Variants in DCDC1 observed in about 807,000 individuals in gnomAD.
The protein encoded by DCDC1 is doublecortin domain containing 1.
In DCDC1, 200 loss-of-function variants were observed where a neutral mutation model predicts 178.3. That is an observed-to-expected ratio of 1.12 (90% CI 1.00 to 1.26). The LOEUF is 1.26. DCDC1 is among the 50% of genes most tolerant of loss of function. The probability of loss-of-function intolerance (pLI) is 0.00; values close to 1 mark genes in which losing one functional copy is unlikely to be tolerated. For missense variants in DCDC1, 1,983 were observed against 1,749.2 expected, an observed-to-expected ratio of 1.13 and a Z score of -2.38; for synonymous variants, 690 against 604.8, an observed-to-expected ratio of 1.14 and a Z score of -2.07.
intron 17 of DCDC1, among the ~76,000 whole-genome samples, chr11:31,082,960 T>A (rs1957274619): frequency 6.6e-6 from 1 of 152,220 alleles, no homozygotes; most frequent in Non-Finnish European, 1.5e-5. Context: ...TAGTGTGAAA[T>A]TACACATGGA....
intron 36 of DCDC1, among the ~76,000 whole-genome samples, chr11:30,888,745 A>G (rs1943532446): frequency 6.6e-6 from 1 of 152,280 alleles, no homozygotes; most frequent in South Asian, 2.1e-4. Flanking sequence ...AAACAAAACA[A>G]AACAAAAGAG....
In DCDC1 at chr11:30,878,569, T is replaced by C. The variant is rs371543448; in HGVS notation, c.*15A>G. On this transcript the variant is annotated 3_prime_UTR_variant, in exon 38 of 39. Coordinates refer to ENST00000684477, the MANE Select transcript of DCDC1 (RefSeq NM_001387274.1). Reference sequence around the variant, plus strand: ...CAGAAAAATACAGCAGAAAATCCGATGGTTCTGATAGGAGTTAATTGTGGA... The same window carrying C: ...CAGAAAAATACAGCAGAAAATCCGACGGTTCTGATAGGAGTTAATTGTGGA... 18 of 1,578,564 alleles carry C rather than the reference T, an allele frequency of 1.1e-5. No individual in the cohort carries two copies. The highest frequency in any genetic ancestry group is 9.9e-5 in the Admixed American group (5 of 50,460).
intron 8 of DCDC1, among the ~76,000 whole-genome samples, chr11:31,256,592 C>T (rs2616811): frequency 0.69 from 105,629 of 152,024 alleles, 37,815 homozygotes; most frequent in East Asian, 0.95. Context: ...GGTGCTTTTA[C>T]ATGCAAGGGC....
chr11:31,213,079 CATCTTCTATAT>C (rs1244769190), intron 9 of DCDC1, among the ~76,000 whole-genome samples: 4 of 139,724 alleles, frequency 2.9e-5, no homozygotes, highest in South Asian at 2.4e-4. Flanking sequence ...GAAACTGTGT[CATCTTCTATAT>C]AAAGCCCAGC....
Position 30,864,244 on chromosome 11 carries a change from C to G in DCDC1, c.*1129G>C, listed in dbSNP as rs151028349. 2.0e-5 allele frequency: 3 copies of G among 152,310 alleles called. No individual in the cohort carries two copies. The East Asian group carries it at 5.8e-4, about 29-fold the overall frequency. 9.4% of individuals were successfully genotyped at this position (152,310 alleles called of 1,614,324 possible). A position where few individuals can be genotyped will look rare whatever the true frequency, so the allele number is the denominator to read the frequency against. ...GCTTCATGATTGCCTGTCGAAGTCTCAAATGTTGTCAATTCATCTATAAGT... is the reference window on the plus strand; with the variant it reads ...GCTTCATGATTGCCTGTCGAAGTCTGAAATGTTGTCAATTCATCTATAAGT... On this transcript the variant is annotated 3_prime_UTR_variant, in exon 39 of 39. Coordinates refer to ENST00000684477, the MANE Select transcript of DCDC1 (RefSeq NM_001387274.1).
rs2616795 is a variant in DCDC1 at position 31,167,935 on chromosome 11, A to G, written c.1222-30151T>C. ...GCTGAAGATACAATAGTGAACAAGC[A>G]GACAGTATAAATCTTATGCTTCAGT... On this transcript the variant is annotated intron_variant, in intron 9 of 38. Transcript: ENST00000684477. Among the ~76,000 whole-genome samples the G allele has an allele frequency of 8.0e-3, 1,215 of 152,324 alleles. 12 individuals are homozygous for G. Among genetic ancestry groups the G allele is most frequent in the African/African-American group, 0.028 (1,156 of 41,580 alleles).
At chr11:31,136,475 C>G (rs577384754) in intron 10 of DCDC1, among the ~76,000 whole-genome samples, 1 of 152,118 alleles carries the variant, frequency 6.6e-6, no homozygotes, top group South Asian at 2.1e-4. Context: ...AGAATTTACA[C>G]AGGAAAATTT....
chr11:31,138,643 C>A (rs1262634842), intron 9 of DCDC1, among the ~76,000 whole-genome samples: 2 of 152,108 alleles, frequency 1.3e-5, no homozygotes, highest in Non-Finnish European at 2.9e-5. Flanking sequence ...TGAATAACGA[C>A]CATGTTTTTA....
intron 36 of DCDC1, among the ~76,000 whole-genome samples, chr11:30,884,033 ATTT>A (rs59940255): frequency 1.0e-5 from 1 of 95,768 alleles, no homozygotes. Context: ...ATTCTTTCTC[ATTT>A]TTTTTTTTTT....
intron 20 of DCDC1, among the ~76,000 whole-genome samples, chr11:31,009,589 A>T (rs1952052709): frequency 6.6e-6 from 1 of 152,050 alleles, no homozygotes; most frequent in South Asian, 2.1e-4. Flanking sequence ...AGGAGTGCTG[A>T]TGGTGTAAGT....
chr11:31,250,060 C>T (rs983297495), intron 8 of DCDC1, among the ~76,000 whole-genome samples: 2 of 151,804 alleles, frequency 1.3e-5, no homozygotes, highest in African/African-American at 4.8e-5. Context: ...AATATTTCTT[C>T]CAGTGGGAAC....
intron 8 of DCDC1, among the ~76,000 whole-genome samples, chr11:31,242,195 C>CT (rs904343400): frequency 1.1e-4 from 16 of 151,940 alleles, no homozygotes; most frequent in African/African-American, 3.4e-4. Context: ...TCATACCTTT[C>CT]TTTTTTCAGT....
At chr11:31,143,475 T>C (rs1361455472) in intron 9 of DCDC1, among the ~76,000 whole-genome samples, 1 of 152,150 alleles carries the variant, frequency 6.6e-6, no homozygotes, top group Non-Finnish European at 1.5e-5. Context: ...GAATGATTCA[T>C]ACTGGGAAGC....
chr11:31,311,820 G>T (rs990803408), intron 3 of DCDC1, among the ~76,000 whole-genome samples: 16 of 152,096 alleles, frequency 1.1e-4, no homozygotes, highest in Admixed American at 9.2e-4. Context: ...CCTCAAAGTG[G>T]TACATTATAA....
intron 9 of DCDC1, among the ~76,000 whole-genome samples, chr11:31,172,942 A>G (rs1418213444): frequency 6.6e-6 from 1 of 152,214 alleles, no homozygotes; most frequent in Non-Finnish European, 1.5e-5. Flanking sequence ...TACTCTAAGA[A>G]CAAAAGTGAT....
intron 1 of DCDC1, among the ~76,000 whole-genome samples, chr11:31,346,357 A>C (rs1950811383): frequency 6.6e-6 from 1 of 151,034 alleles, no homozygotes; most frequent in South Asian, 2.1e-4. Flanking sequence ...CCAGCTACTC[A>C]GGAGGCTGAG....
At chr11:31,269,904 T>A (rs1945436184) in intron 7 of DCDC1, among the ~76,000 whole-genome samples, 1 of 152,172 alleles carries the variant, frequency 6.6e-6, no homozygotes, top group African/African-American at 2.4e-5. Flanking sequence ...AACCTCTGGG[T>A]TGCCACTACT....
chr11:31,045,549 T>G (rs1022958079), intron 20 of DCDC1, among the ~76,000 whole-genome samples: 1 of 152,204 alleles, frequency 6.6e-6, no homozygotes, highest in Admixed American at 6.5e-5. Context: ...GAATTCGTTT[T>G]GTAGCTACGT....
At chr11:31,368,730 A>C (rs904108121) in intron 1 of DCDC1, among the ~76,000 whole-genome samples, 3 of 152,206 alleles carry the variant, frequency 2.0e-5, no homozygotes, top group African/African-American at 7.2e-5. Context: ...GTAGAAGTTT[A>C]AAAAAGAAGG....
Sources: allele counts gnomAD v4.1 joint callset (sites outside exome capture counted in the v4.1 genomes callset), GRCh38; gene constraint gnomAD v4.1.1; transcripts MANE v1.5; gene names NCBI Gene and HGNC (gene_info 2026-07-23, HGNC 2026-07-21).